Variants in IQSEC2 observed in about 807,000 individuals in gnomAD.
IQSEC2 encodes IQ motif and SEC7 domain-containing protein 2.
IQSEC2 carries 6 observed loss-of-function variants against 74.6 expected under a neutral mutation model. The observed-to-expected ratio is 0.08, with a 90% CI of 0.04 to 0.16. IQSEC2 has a LOEUF of 0.16. IQSEC2 is among the 10% of genes least tolerant of loss of function. The pLI, the probability that IQSEC2 is intolerant of heterozygous loss-of-function variation, is 1.00. For synonymous variants in IQSEC2, 494 were observed against 544.5 expected (o/e 0.91, Z 1.29); for missense variants, 734 against 1,306.2 (o/e 0.56, Z 6.75).
At position 53,234,253 on chromosome X, in the gene IQSEC2, T is replaced by C; in HGVS notation, c.4433A>G (p.Lys1478Arg). Residue 1478 changes from lysine (K) to arginine (R), a missense_variant, in exon 15 of 15, where the codon AAG becomes AGG. Physicochemically the swap from Lys to Arg is conservative, Grantham distance 26 (BLOSUM62 2). Transcript: ENST00000642864. ...GGTGCTGATCCGGCTTGGCTTGGCC[T>C]TGGGGTTTGCACTGGGGGGGTTGGC... ...GTANPPSANP[K>R]AKPSRISTVV 9.2e-7 allele frequency: 1 copy of C among 1,084,683 alleles called. No individual in the cohort carries two copies. Among genetic ancestry groups the C allele is most frequent in the Non-Finnish European group, 1.2e-6 (1 of 827,973 alleles). 89.4% of individuals were successfully genotyped at this position (1,084,683 alleles called of 1,213,427 possible).
At chrX:53,253,707 C>G (rs2074423636) in intron 4 of IQSEC2, among the ~76,000 whole-genome samples, 1 of 111,941 alleles carries the variant, frequency 8.9e-6, no homozygotes. Flanking sequence ...GCACACTCTA[C>G]TTCAGGAGAC....
At chrX:53,236,583 C>T (rs1423191121) in intron 12 of IQSEC2, 88 bp from the exon 13 acceptor site, 1 of 963,150 alleles carries the variant, frequency 1.0e-6, no homozygotes, top group African/African-American at 1.9e-5. Flanking sequence ...ATGGGCCATT[C>T]TCCTTCCTCC....
Position 53,251,186 on chromosome X carries a change from G to T in IQSEC2, c.1402-12C>A, listed in dbSNP as rs782487173. The T allele has an allele frequency of 8.3e-7, 1 of 1,203,337 alleles. No homozygotes were observed. The highest frequency in any genetic ancestry group is 1.1e-6 in the Non-Finnish European group (1 of 889,767). On this transcript the variant is annotated splice_polypyrimidine_tract_variant and intron_variant, in intron 4 of 14. Transcript: ENST00000642864. ...GCCAGAGACTTTACCTGTGCAAGGGGGGGAGGAGAGGAGGGAAAGGGAGAG... is the reference window on the plus strand; with the variant it reads ...GCCAGAGACTTTACCTGTGCAAGGGTGGGAGGAGAGGAGGGAAAGGGAGAG...
At chrX:53,238,786 C>T (rs2074173982) in intron 11 of IQSEC2, among the ~76,000 whole-genome samples, 1 of 109,080 alleles carries the variant, frequency 9.2e-6, no homozygotes, top group Non-Finnish European at 1.9e-5. Flanking sequence ...GTAGCTGTGG[C>T]CCTCTTACTC....
chrX:53,266,507 G>A (rs1556867698), intron 2 of IQSEC2: 1 of 755,843 alleles, frequency 1.3e-6, no homozygotes, highest in Non-Finnish European at 1.6e-6. Flanking sequence ...AAACGACAGG[G>A]AACTAGGCAG....
chrX:53,264,525 T>C (rs1389249810), intron 2 of IQSEC2, among the ~76,000 whole-genome samples: 2 of 100,925 alleles, frequency 2.0e-5, no homozygotes, highest in African/African-American at 7.3e-5. Context: ...CAGCCCCAGG[T>C]CACCTACATT....
chrX:53,317,215 G>A (rs1466231042), intron 1 of IQSEC2, among the ~76,000 whole-genome samples: 1 of 111,958 alleles, frequency 8.9e-6, no homozygotes, highest in Non-Finnish European at 1.9e-5. Context: ...CAGGACCAAC[G>A]ACTAAAAAGC....
At chrX:53,236,632 G>T in intron 12 of IQSEC2, 137 bp from the exon 13 acceptor site, 7 of 739,849 alleles carry the variant, frequency 9.5e-6, no homozygotes, top group Non-Finnish European at 1.4e-5. Context: ...TTCGTGTTTT[G>T]CCCCTTGGAC....
intron 6 of IQSEC2, 92 bp downstream of exon 6, chrX:53,248,629 C>T (rs782265168): frequency 3.6e-5 from 36 of 988,962 alleles, no homozygotes; most frequent in Non-Finnish European, 5.1e-5. Context: ...AAAAGCTTAT[C>T]TGAGCTAAAG....
intron 2 of IQSEC2, among the ~76,000 whole-genome samples, chrX:53,276,323 G>T: frequency 9.0e-6 from 1 of 111,713 alleles, no homozygotes; most frequent in South Asian, 3.7e-4. Context: ...ATTGTGAATG[G>T]GATCTTTTCT....
At chrX:53,238,822 A>AC (rs1310790707) in intron 11 of IQSEC2, among the ~76,000 whole-genome samples, 1 of 110,012 alleles carries the variant, frequency 9.1e-6, no homozygotes, top group African/African-American at 3.3e-5. Flanking sequence ...GTAAAGGCAC[A>AC]CAACTATGCA....
intron 2 of IQSEC2, among the ~76,000 whole-genome samples, chrX:53,280,050 C>T (rs992418056): frequency 9.1e-6 from 1 of 109,551 alleles, no homozygotes; most frequent in Non-Finnish European, 1.9e-5. Flanking sequence ...GCAGTAGAGA[C>T]GAAAGAGCCG....
chrX:53,226,194 G>A (rs1556857489), downstream of IQSEC2: 4 of 112,687 alleles, frequency 3.5e-5, no homozygotes, highest in African/African-American at 1.3e-4. Flanking sequence ...TCCTTGAGCA[G>A]TTTCTGAATA....
rs2075420048 is a variant in IQSEC2, at chrX:53,320,567, G to A, written c.557C>T (p.Ala186Val). The A allele has an allele frequency of 2.6e-6, 3 of 1,155,592 alleles. No homozygotes were observed. Among genetic ancestry groups the A allele is most frequent in the East Asian group, 6.8e-5 (2 of 29,436 alleles). ...CACGCCCACCGCCGCCGAATAGCCC[G>A]CTTCCTTCTCGCGGCCCGGGTGCGC... ...GPAHPGREKE[A>V]GYSAAVGVGP... Residue 186 changes from alanine to valine, a missense_variant, in exon 1 of 15, where the codon GCG becomes GTG. By Grantham distance (64) the Ala-to-Val change is moderately conservative. Coordinates refer to ENST00000642864, the MANE Select transcript of IQSEC2 (RefSeq NM_001111125.3).
Position 53,248,864 on chromosome X carries a change from G to C in IQSEC2, c.2316C>G (p.Ile772Met). The change falls in exon 6 of 15, where the codon ATC (isoleucine) becomes ATG (methionine). Residue 772 changes from isoleucine (I) to methionine (M), a missense_variant. Around this residue, in one of 12 missense-constraint regions of IQSEC2, gnomAD observed 14 missense variants for 20.4 expected, o/e 0.69. Transcript: ENST00000642864. ...GGAAGCCCCGCTCGATCAGATACTG[G>C]ATACCCTTCTCTGGCTTCCTGCAGA... ...NLFNKKPEKG[I>M]QYLIERGFLS... 8.3e-7 allele frequency: 1 copy of C among 1,210,587 alleles called. No homozygotes were observed. Among genetic ancestry groups the C allele is most frequent in the Non-Finnish European group, 1.1e-6 (1 of 894,872 alleles).
intron 2 of IQSEC2, among the ~76,000 whole-genome samples, chrX:53,258,278 C>T (rs1299285344): frequency 8.9e-6 from 1 of 111,950 alleles, no homozygotes; most frequent in Non-Finnish European, 1.9e-5. Flanking sequence ...CATGTCTGTC[C>T]TGCTTTTTAT....
At chrX:53,225,899 A>C (rs2074033950), downstream of IQSEC2, 1 of 112,881 alleles carries the variant, frequency 8.9e-6, no homozygotes, top group Non-Finnish European at 1.9e-5. Context: ...ACTGGGAGTC[A>C]GCATTTTAAT....
intron 2 of IQSEC2, among the ~76,000 whole-genome samples, chrX:53,286,952 A>AG (rs1556871906): frequency 1.9e-4 from 18 of 96,393 alleles, no homozygotes; most frequent in South Asian, 4.1e-4. Context: ...AAAAAAAAAA[A>AG]AAAAAGAAAA....
downstream of IQSEC2, chrX:53,227,360 G>A: frequency 4.0e-6 from 1 of 247,818 alleles, no homozygotes; most frequent in Admixed American, 6.8e-5. Flanking sequence ...GTCTGTAGAT[G>A]AGGAACCAAG....
Sources: allele counts gnomAD v4.1 joint callset (sites outside exome capture counted in the v4.1 genomes callset), GRCh38; gene constraint gnomAD v4.1.1; regional missense constraint gnomAD v4.1.1; transcripts MANE v1.5; gene names NCBI Gene and HGNC (gene_info 2026-07-23, HGNC 2026-07-21).